RSRC1: variants seen among roughly 807,000 people sequenced by gnomAD.
RSRC1 encodes serine/Arginine-related protein 53.
In RSRC1, 39 loss-of-function variants were observed where a neutral mutation model predicts 49.1. The observed-to-expected ratio is 0.79, with a 90% confidence interval of 0.61 to 1.04. RSRC1 has a LOEUF of 1.04. RSRC1 is among the 50% of genes least tolerant of loss of function. The probability of loss-of-function intolerance (pLI) is 0.00; values close to 1 mark genes in which losing one functional copy is unlikely to be tolerated. For synonymous variants in RSRC1, 143 were observed against 130.8 expected, an observed-to-expected ratio of 1.09 and a Z score of -0.63; for missense variants, 388 against 402.4, an observed-to-expected ratio of 0.96 and a Z score of 0.31.
intron 4 of RSRC1, among the ~76,000 whole-genome samples, chr3:158,283,490 C>T (rs1559975574): frequency 1.3e-5 from 2 of 151,916 alleles, no homozygotes; most frequent in African/African-American, 2.4e-5. Flanking sequence ...TACCCTCTTA[C>T]ATTTTGTAAC....
intron 6 of RSRC1, among the ~76,000 whole-genome samples, chr3:158,404,577 A>AT (rs1472901478): frequency 6.6e-6 from 1 of 151,918 alleles, no homozygotes; most frequent in East Asian, 1.9e-4. Context: ...TTGTGAAATA[A>AT]TGGCTTGTCT....
rs111907945 is a variant in RSRC1 at position 158,478,530 on chromosome 3, G to A, written c.652+17527G>A. The stretch of plus-strand genomic sequence containing the variant: ...TATTATTCCTCTCCCCCCAAATTAA[G>A]TTATAGTTTTGTTTCAACATCCATC... On this transcript the variant is annotated intron_variant, in intron 7 of 9. Transcript: ENST00000611884. 2.1e-4 allele frequency among the ~76,000 whole-genome samples: 31 copies of A among 144,298 alleles called. No individual in the cohort carries two copies. In the East Asian group the frequency reaches 3.2e-3, roughly 15 times the overall value. The allele number at this position is 144,298 out of a possible 152,430, so 94.7% of individuals were successfully genotyped here.
intron 6 of RSRC1, among the ~76,000 whole-genome samples, chr3:158,390,752 T>A (rs1733236584): frequency 2.0e-5 from 3 of 152,294 alleles, no homozygotes; most frequent in African/African-American, 7.2e-5. Context: ...TTTCTGATTT[T>A]AATATATTAC....
chr3:158,386,432 A>G (rs1362932979), intron 6 of RSRC1, among the ~76,000 whole-genome samples: 2 of 152,076 alleles, frequency 1.3e-5, no homozygotes, highest in Admixed American at 6.5e-5. Context: ...TCTTTGCCCA[A>G]TTTATTCTCA....
intron 6 of RSRC1, among the ~76,000 whole-genome samples, chr3:158,382,235 G>C (rs552867133): frequency 5.9e-5 from 9 of 152,208 alleles, no homozygotes; most frequent in Admixed American, 5.2e-4. Flanking sequence ...CCATGGAGCT[G>C]TCACCTCCTA....
At chr3:158,210,475 CAAA>C (rs201555187) in intron 4 of RSRC1, among the ~76,000 whole-genome samples, 11 of 59,446 alleles carry the variant, frequency 1.9e-4, no homozygotes, top group African/African-American at 4.3e-4. Flanking sequence ...TTATAGCATG[CAAA>C]AAAAAAAAAA....
chr3:158,363,067 C>T (rs543257032), intron 6 of RSRC1, among the ~76,000 whole-genome samples: 2 of 152,080 alleles, frequency 1.3e-5, no homozygotes, highest in Non-Finnish European at 2.9e-5. Flanking sequence ...GTATCTACAA[C>T]CTTTGGATTG....
rs528729144 is a variant in RSRC1 at position 158,353,154 on chromosome 3, A to G, written c.532-1703A>G. 4.6e-5 allele frequency among the ~76,000 whole-genome samples: 7 copies of G among 152,226 alleles called. No individual in the cohort carries two copies. The East Asian group carries it at 5.8e-4, about 13-fold the overall frequency. On this transcript the variant is annotated intron_variant, in intron 5 of 9. Coordinates refer to ENST00000611884, the MANE Select transcript of RSRC1 (RefSeq NM_001271838.2). ...TGTTGTCCTGTTTGACCTTTCTGCT[A>G]TTGTTTCAGCTCAGGCCCTCCTCTC...
At chr3:158,232,371 T>G (rs1723014841) in intron 4 of RSRC1, among the ~76,000 whole-genome samples, 1 of 152,154 alleles carries the variant, frequency 6.6e-6, no homozygotes, top group Non-Finnish European at 1.5e-5. Flanking sequence ...TTGACAATTC[T>G]TTTTTCTTAT....
chr3:158,131,109 A>T (rs1422979087), intron 3 of RSRC1, among the ~76,000 whole-genome samples: 1 of 151,206 alleles, frequency 6.6e-6, no homozygotes, highest in Admixed American at 6.6e-5. Flanking sequence ...AATTTTTTAA[A>T]TTTTTTTATT....
At chr3:158,474,107 C>A (rs1285532653) in intron 7 of RSRC1, among the ~76,000 whole-genome samples, 1 of 152,070 alleles carries the variant, frequency 6.6e-6, no homozygotes, top group Non-Finnish European at 1.5e-5. Flanking sequence ...AAATCACTAA[C>A]CACTAATGGA....
chr3:158,197,468 A>AT (rs538465451), intron 3 of RSRC1, among the ~76,000 whole-genome samples: 79 of 151,924 alleles, frequency 5.2e-4, no homozygotes, highest in Non-Finnish European at 9.0e-4. Flanking sequence ...GATTTCATTG[A>AT]TTTTTTGAAG....
In RSRC1 at chr3:158,203,218, A is replaced by C. The variant is rs770931599; in HGVS notation, c.467A>C (p.Asp156Ala). The change falls in exon 4 of 10, where the codon GAC becomes GCC. Residue 156 changes from aspartate to alanine, a missense_variant. By Grantham distance (126) the Asp-to-Ala change is moderately radical. Transcript: ENST00000611884. ...GAAAAGGAGAAGGATAAAGGGAAGG[A>C]CAAGGAATTACATAACATCAAACGT... ...KREKEKDKGK[D>A]KELHNIKRGE... 6.9e-6 allele frequency: 11 copies of C among 1,600,594 alleles called. No homozygotes were observed. Among genetic ancestry groups the C allele is most frequent in the Non-Finnish European group, 8.5e-6 (10 of 1,172,992 alleles).
At chr3:158,114,200 C>G (rs1714630776) in intron 1 of RSRC1, among the ~76,000 whole-genome samples, 1 of 152,290 alleles carries the variant, frequency 6.6e-6, no homozygotes, top group East Asian at 1.9e-4. Context: ...GGTCCACTTT[C>G]AATTTTCTAC....
intron 3 of RSRC1, among the ~76,000 whole-genome samples, chr3:158,182,825 G>A (rs1183951054): frequency 6.6e-6 from 1 of 152,030 alleles, no homozygotes; most frequent in Non-Finnish European, 1.5e-5. Context: ...TTTTTTAAAA[G>A]GAAGTTTAAT....
chr3:158,180,804 C>CTTTTT (rs71144445), intron 3 of RSRC1, among the ~76,000 whole-genome samples: 1 of 107,412 alleles, frequency 9.3e-6, no homozygotes, highest in African/African-American at 3.6e-5. Context: ...GGATTATATG[C>CTTTTT]TTTTTTTTTT....
At chr3:158,145,817 A>G (rs1250114476) in intron 3 of RSRC1, among the ~76,000 whole-genome samples, 5 of 151,968 alleles carry the variant, frequency 3.3e-5, no homozygotes, top group Admixed American at 1.3e-4. Context: ...TTGAGCAGTG[A>G]TTTGTAGCTC....
At chr3:158,530,551 T>C (rs1435638) in intron 7 of RSRC1, among the ~76,000 whole-genome samples, 30,360 of 151,784 alleles carry the variant, frequency 0.2, 3,703 homozygotes, top group African/African-American at 0.35. Flanking sequence ...CAAGTCCTAC[T>C]ATGTGGAACA....
At chr3:158,251,477 T>G (rs1724206155) in intron 4 of RSRC1, among the ~76,000 whole-genome samples, 2 of 152,214 alleles carry the variant, frequency 1.3e-5, no homozygotes, top group South Asian at 4.1e-4. Context: ...TTTTGTTATG[T>G]CCTCTTCAAT....
Sources: allele counts gnomAD v4.1 joint callset (sites outside exome capture counted in the v4.1 genomes callset), GRCh38; gene constraint gnomAD v4.1.1; transcripts MANE v1.5; gene names NCBI Gene and HGNC (gene_info 2026-07-23, HGNC 2026-07-21).